VPS13B: variants seen among roughly 807,000 people sequenced by gnomAD.
VPS13B encodes vacuolar protein sorting 13 homolog B, also known as intermembrane lipid transfer protein VPS13B.
VPS13B carries 285 observed loss-of-function variants against 426.4 expected under a neutral mutation model. That is an observed-to-expected ratio of 0.67 (90% CI 0.61 to 0.74). The LOEUF (loss-of-function observed/expected upper bound fraction) is 0.74. Among genes scored for constraint, VPS13B ranks in the 30% least tolerant of loss-of-function variants. VPS13B has a pLI of 0.00. For missense variants in VPS13B, 4,537 were observed against 4,782.6 expected, an observed-to-expected ratio of 0.95 and a Z score of 1.51; for synonymous variants, 1,676 against 1,676.4, an observed-to-expected ratio of 1.00 and a Z score of 0.01.
At chr8:99,849,874 T>C (rs1816169467) in intron 55 of VPS13B, among the ~76,000 whole-genome samples, 1 of 152,156 alleles carries the variant, frequency 6.6e-6, no homozygotes, top group African/African-American at 2.4e-5. Context: ...TAGAATATAA[T>C]ATTGAATATA....
In VPS13B at chr8:99,163,390, G is replaced by A. The variant is rs559490104; in HGVS notation, c.2208+6647G>A. Among the ~76,000 whole-genome samples, 6 of 152,322 alleles carry A rather than the reference G, an allele frequency of 3.9e-5. 1 individual carries two copies. Among genetic ancestry groups the A allele is most frequent in the African/African-American group, 1.2e-4 (5 of 41,570 alleles). On this transcript the variant is annotated intron_variant, in intron 15 of 61. Coordinates refer to ENST00000357162, the MANE Select transcript of VPS13B (RefSeq NM_152564.5). ...TGGAGCTGCCTGCCAGTCCTGCACC[G>A]TGCACTCGCATTCCTCAGCCCTTGG...
chr8:99,265,716 C>A (rs1048094895), intron 17 of VPS13B, among the ~76,000 whole-genome samples: 1 of 152,206 alleles, frequency 6.6e-6, no homozygotes, highest in Non-Finnish European at 1.5e-5. Context: ...GCCTCATCTG[C>A]ATCCCTGCCT....
intron 2 of VPS13B, among the ~76,000 whole-genome samples, chr8:99,028,681 A>C (rs1223401265): frequency 3.2e-4 from 23 of 70,842 alleles, no homozygotes; most frequent in South Asian, 5.7e-4. Flanking sequence ...TGACCCCCCC[A>C]CCTCCCTCCC....
chr8:99,869,043 C>T (rs1817255355), intron 59 of VPS13B, among the ~76,000 whole-genome samples: 2 of 152,238 alleles, frequency 1.3e-5, no homozygotes, highest in South Asian at 2.1e-4. Context: ...GGGGCCTCTC[C>T]CCGTGCAGCC....
Position 99,877,378 on chromosome 8 carries a change from T to C in VPS13B, c.*1712T>C, listed in dbSNP as rs1488881233. On this transcript the variant is annotated 3_prime_UTR_variant, in exon 62 of 62. Transcript: ENST00000357162. Reference sequence around the variant, plus strand: ...GTATCTTTTATGGTAATTTTGCATATTGATATGAATTATATAAAATTGTTT... The same window carrying C: ...GTATCTTTTATGGTAATTTTGCATACTGATATGAATTATATAAAATTGTTT... The C allele has an allele frequency of 6.6e-6, 1 of 152,654 alleles. No homozygotes were observed. The highest frequency in any genetic ancestry group is 2.4e-5 in the African/African-American group (1 of 41,466). 9.5% of individuals were successfully genotyped at this position (152,654 alleles called of 1,614,324 possible). A position where few individuals can be genotyped will look rare whatever the true frequency, so the allele number is the denominator to read the frequency against.
At chr8:99,513,096 TA>T (rs200771846) in intron 29 of VPS13B, among the ~76,000 whole-genome samples, 3,193 of 151,782 alleles carry the variant, frequency 0.021, 50 homozygotes, top group Middle Eastern at 0.072. Flanking sequence ...TATATCTAGA[TA>T]AAAATAAGAA....
chr8:99,273,334 CTT>C (rs201417620), intron 17 of VPS13B, among the ~76,000 whole-genome samples: 143 of 146,990 alleles, frequency 9.7e-4, no homozygotes, highest in Non-Finnish European at 8.6e-4. Flanking sequence ...AATTTTTGTA[CTT>C]TTTTTTTTTT....
At chr8:99,812,531 T>G (rs1414401333) in intron 44 of VPS13B, among the ~76,000 whole-genome samples, 1 of 152,220 alleles carries the variant, frequency 6.6e-6, no homozygotes, top group Non-Finnish European at 1.5e-5. Flanking sequence ...TGGCTAAAGC[T>G]CTTTTCTTAA....
chr8:99,437,619 G>A (rs1034438324), intron 22 of VPS13B, among the ~76,000 whole-genome samples: 2 of 152,096 alleles, frequency 1.3e-5, no homozygotes, highest in Non-Finnish European at 2.9e-5. Flanking sequence ...TCTGGAGGCC[G>A]AAGCAGGAGA....
At chr8:99,267,528 G>T (rs1344962095) in intron 17 of VPS13B, among the ~76,000 whole-genome samples, 1 of 152,078 alleles carries the variant, frequency 6.6e-6, no homozygotes, top group Non-Finnish European at 1.5e-5. Context: ...AGGAGATCGA[G>T]ACCATCCTGG....
At chr8:99,735,506 A>T (rs539382264) in intron 39 of VPS13B, among the ~76,000 whole-genome samples, 3 of 152,316 alleles carry the variant, frequency 2.0e-5, no homozygotes, top group Admixed American at 1.3e-4. Flanking sequence ...AAGCCAAGGA[A>T]CACCTGGGAT....
At chr8:99,034,425 T>TC (rs1249086497) in intron 2 of VPS13B, among the ~76,000 whole-genome samples, 1 of 151,764 alleles carries the variant, frequency 6.6e-6, no homozygotes, top group Non-Finnish European at 1.5e-5. Flanking sequence ...TTTTTTTTTT[T>TC]TTTAAATTCT....
At chr8:99,387,138 C>A (rs1814168818) in intron 20 of VPS13B, among the ~76,000 whole-genome samples, 1 of 152,130 alleles carries the variant, frequency 6.6e-6, no homozygotes, top group African/African-American at 2.4e-5. Context: ...AAGTATTTTG[C>A]ATTTTAGAAA....
chr8:99,149,611 C>T (rs1810944600), intron 14 of VPS13B, among the ~76,000 whole-genome samples: 2 of 149,844 alleles, frequency 1.3e-5, no homozygotes, highest in Non-Finnish European at 2.9e-5. Context: ...AGCCACCACA[C>T]CTGGCCTATG....
At chr8:99,678,341 T>G (rs999863282) in intron 35 of VPS13B, among the ~76,000 whole-genome samples, 3 of 152,280 alleles carry the variant, frequency 2.0e-5, no homozygotes, top group Non-Finnish European at 4.4e-5. Flanking sequence ...CCTTGATTAC[T>G]TCCTCATTCT....
At chr8:99,102,925 A>C (rs374979711) in intron 4 of VPS13B, 28 bp from the exon 5 acceptor site, 1 of 1,549,622 alleles carries the variant, frequency 6.5e-7, no homozygotes, top group Non-Finnish European at 8.9e-7. Flanking sequence ...ATTTGTGGCT[A>C]ATTAAATTCT....
chr8:99,076,612 CTTT>C (rs71273161), intron 3 of VPS13B, among the ~76,000 whole-genome samples: 3 of 139,742 alleles, frequency 2.1e-5, no homozygotes, highest in Middle Eastern at 3.7e-3. Flanking sequence ...ATGACTTTGT[CTTT>C]TTTTTTTTTT....
At chr8:99,476,995 T>A (rs778409226) in intron 24 of VPS13B, among the ~76,000 whole-genome samples, 1 of 152,218 alleles carries the variant, frequency 6.6e-6, no homozygotes, top group Non-Finnish European at 1.5e-5. Flanking sequence ...AATTTGCTCT[T>A]TTGTGATTTG....
intron 17 of VPS13B, among the ~76,000 whole-genome samples, chr8:99,212,976 G>C (rs1815184491): frequency 6.6e-6 from 1 of 152,070 alleles, no homozygotes; most frequent in African/African-American, 2.4e-5. Context: ...GTCTTAGTAA[G>C]TATCCTCTGC....
Sources: gnomAD v4.1 joint callset for allele counts (sites outside exome capture counted in the v4.1 genomes callset) on GRCh38, gnomAD v4.1.1 for gene constraint, MANE v1.5 for transcripts, NCBI Gene and HGNC (gene_info 2026-07-23, HGNC 2026-07-21) for gene names.